Variants in INTS9 observed in about 807,000 individuals in gnomAD.
INTS9 encodes the protein protein related to CPSF subunits of 74 kDa.
INTS9 carries 55 observed loss-of-function variants against 79.7 expected under a neutral mutation model. The observed-to-expected ratio is 0.69, with a 90% CI of 0.56 to 0.86. The LOEUF (loss-of-function observed/expected upper bound fraction) is 0.86. Among genes scored for constraint, INTS9 ranks in the 40% least tolerant of loss-of-function variants. The pLI is 0.00. For missense variants in INTS9, 721 were observed against 831.5 expected (o/e 0.87, Z 1.64); for synonymous variants, 319 against 325.2 (o/e 0.98, Z 0.20).
intron 11 of INTS9, among the ~76,000 whole-genome samples, chr8:28,783,048 G>A (rs1020095340): frequency 6.6e-6 from 1 of 151,254 alleles, no homozygotes; most frequent in African/African-American, 2.4e-5. Context: ...GGGAGGCTGA[G>A]GCAGGAGAAT....
chr8:28,835,466 T>TACC, intron 5 of INTS9, 88 bp from the exon 6 acceptor site: 1 of 638,730 alleles, frequency 1.6e-6, no homozygotes, highest in East Asian at 3.2e-5. Context: ...AGAAATGACT[T>TACC]GCCCACCTCC....
At chr8:28,848,881 G>A (rs1807674906) in intron 3 of INTS9, among the ~76,000 whole-genome samples, 1 of 152,168 alleles carries the variant, frequency 6.6e-6, no homozygotes, top group African/African-American at 2.4e-5. Flanking sequence ...ACAATGCGCT[G>A]GTAATGGGAT....
intron 8 of INTS9, 152 bp downstream of exon 8, chr8:28,812,175 T>C: frequency 1.3e-6 from 1 of 760,602 alleles, no homozygotes; most frequent in Non-Finnish European, 2.1e-6. Context: ...TAGGTCAAAA[T>C]GTTGAGACTC....
chr8:28,854,727 A>C (rs1265288105), intron 2 of INTS9, among the ~76,000 whole-genome samples: 2 of 152,046 alleles, frequency 1.3e-5, no homozygotes, highest in Non-Finnish European at 1.5e-5. Context: ...CAGCATGCAA[A>C]TTGATGGGGA....
At chr8:28,867,012 C>G (rs1226419117) in intron 1 of INTS9, among the ~76,000 whole-genome samples, 1 of 151,936 alleles carries the variant, frequency 6.6e-6, no homozygotes, top group Non-Finnish European at 1.5e-5. Context: ...TCCAGCCAGG[C>G]GTGGTGGCTC....
chr8:28,849,631 G>C (rs770440269), intron 3 of INTS9, among the ~76,000 whole-genome samples: 1 of 152,052 alleles, frequency 6.6e-6, no homozygotes, highest in East Asian at 1.9e-4. Context: ...AGAAGGCACT[G>C]CTGGGGAAGT....
chr8:28,869,728 T>C (rs1461729577), intron 1 of INTS9, among the ~76,000 whole-genome samples: 2 of 152,180 alleles, frequency 1.3e-5, no homozygotes, highest in African/African-American at 2.4e-5. Context: ...AATGTGCCAA[T>C]CATACTCACT....
Position 28,767,735 on chromosome 8 carries a change from A to G in INTS9, c.*411T>C, listed in dbSNP as rs982288455. The G allele has an allele frequency of 5.5e-6, 1 of 182,822 alleles. No homozygotes were observed. The highest frequency in any genetic ancestry group is 1.1e-5 in the Non-Finnish European group (1 of 87,026). The allele number at this position is 182,822 out of a possible 1,614,324, so 11.3% of individuals were successfully genotyped here. On this transcript the variant is annotated 3_prime_UTR_variant, in exon 17 of 17. Transcript: ENST00000521022. ...CAGACAGATGGGTTCACTTTACCAT[A>G]TTTTGGGATCATCATCTTATTGCGT...
intron 4 of INTS9, among the ~76,000 whole-genome samples, chr8:28,839,141 T>C (rs1807005084): frequency 6.6e-6 from 1 of 151,682 alleles, no homozygotes; most frequent in Non-Finnish European, 1.5e-5. Context: ...GAAGAAGAAA[T>C]AAGAAAGATG....
chr8:28,859,760 T>A, intron 1 of INTS9, 197 bp from the exon 2 acceptor site: 1 of 664,684 alleles, frequency 1.5e-6, no homozygotes. Flanking sequence ...AATTCTCAGA[T>A]CACACCCATC....
At chr8:28,777,691 T>C (rs1802973216) in intron 13 of INTS9, 138 bp downstream of exon 13, 2 of 963,156 alleles carry the variant, frequency 2.1e-6, no homozygotes, top group African/African-American at 3.4e-5. Flanking sequence ...CTGGCATGTG[T>C]CCCAGCATTC....
intron 12 of INTS9, chr8:28,780,182 C>T (rs567337559): frequency 4.9e-4 from 78 of 158,240 alleles, no homozygotes; most frequent in African/African-American, 1.5e-3. Flanking sequence ...AGAACTATCT[C>T]GTGCCCCACA....
intron 6 of INTS9, among the ~76,000 whole-genome samples, chr8:28,835,034 C>G (rs1806724386): frequency 6.6e-6 from 1 of 152,188 alleles, no homozygotes; most frequent in Non-Finnish European, 1.5e-5. Context: ...GTTGAGTTAT[C>G]TGATTTTCCA....
In INTS9 at chr8:28,814,171, A is replaced by C. The variant is rs932863609; in HGVS notation, c.489-559T>G. Among the ~76,000 whole-genome samples the C allele has an allele frequency of 3.9e-5, 6 of 152,160 alleles. No individual in the cohort carries two copies. In the South Asian group the frequency reaches 1.2e-3, roughly 32 times the overall value. On this transcript the variant is annotated intron_variant, in intron 6 of 16. Transcript: ENST00000521022. The stretch of plus-strand genomic sequence containing the variant: ...TGCTCCAAAAGAATCAGGAGACCTG[A>C]AGAGTAACTTCCCTGACATTCACTG...
chr8:28,782,879 C>A (rs1262185910), intron 11 of INTS9, among the ~76,000 whole-genome samples: 1 of 152,110 alleles, frequency 6.6e-6, no homozygotes, highest in African/African-American at 2.4e-5. Flanking sequence ...AAAACACATA[C>A]ACACACAAAA....
chr8:28,840,634 C>T (rs1783558817), intron 4 of INTS9, among the ~76,000 whole-genome samples: 2 of 145,142 alleles, frequency 1.4e-5, no homozygotes, highest in Admixed American at 1.4e-4. Context: ...GAGTTCATGT[C>T]CTTTGTAGGG....
intron 1 of INTS9, among the ~76,000 whole-genome samples, chr8:28,889,088 C>T (rs559183154): frequency 5.3e-5 from 8 of 152,212 alleles, no homozygotes; most frequent in Non-Finnish European, 7.4e-5. Context: ...CAGTGTTTCA[C>T]ACCTGCCTTT....
chr8:28,839,516 C>T (rs1043723101), intron 4 of INTS9, among the ~76,000 whole-genome samples: 2 of 152,150 alleles, frequency 1.3e-5, no homozygotes, highest in Admixed American at 6.5e-5. Flanking sequence ...AAGCTGGAGG[C>T]ATCATGCTAC....
At chr8:28,769,639 G>T in intron 16 of INTS9, 2 of 476,060 alleles carry the variant, frequency 4.2e-6, no homozygotes, top group East Asian at 3.9e-5. Flanking sequence ...TGTGTGTGTG[G>T]AAGCAGCTTT....
Sources: allele counts gnomAD v4.1 joint callset (sites outside exome capture counted in the v4.1 genomes callset), GRCh38; gene constraint gnomAD v4.1.1; transcripts MANE v1.5; gene names NCBI Gene and HGNC (gene_info 2026-07-23, HGNC 2026-07-21).